The following ZNF630 variants were observed in gnomAD, a reference collection of about 807,000 sequenced individuals.
ZNF630 encodes the protein dJ54B20.2 (novel KRAB box containing C2H2 type zinc finger protein).
Under a neutral mutation model 7.2 loss-of-function variants are expected in ZNF630, and 5 were observed. The ratio of observed to expected loss-of-function variants is 0.70; its 90% CI spans 0.36 to 1.46. ZNF630 has a LOEUF of 1.46. ZNF630 is among the 40% of genes most tolerant of loss of function. The probability of loss-of-function intolerance (pLI) is 0.03; values close to 1 mark genes in which losing one functional copy is unlikely to be tolerated. For synonymous variants in ZNF630, 158 were observed against 162.8 expected (o/e 0.97, Z 0.23); for missense variants, 461 against 477.0 (o/e 0.97, Z 0.31).
chrX:48,058,996 A>G lies in ZNF630; in HGVS notation c.1446T>C (p.Thr482=), dbSNP rs375322542. ...SHLTGHQRLH[T]GEKPYMCTEC... ...CAGTACACATATAAGGTTTCTCTCCAGTATGAAGTCTTTGATGGCCAGTGA... is the reference window on the plus strand; with the variant it reads ...CAGTACACATATAAGGTTTCTCTCCGGTATGAAGTCTTTGATGGCCAGTGA... The change falls in exon 5 of 5, where the codon ACT becomes ACC. Residue 482 remains threonine (T), a synonymous_variant. Transcript: ENST00000276054. 5.7e-5 allele frequency: 69 copies of G among 1,206,373 alleles called. No individual in the cohort carries two copies. Among genetic ancestry groups the G allele is most frequent in the Non-Finnish European group, 7.5e-5 (67 of 892,769 alleles).
intron 1 of ZNF630, among the ~76,000 whole-genome samples, chrX:48,068,377 A>C (rs1233783335): frequency 9.0e-6 from 1 of 110,819 alleles, no homozygotes. Flanking sequence ...TTTCTGTAAA[A>C]GGGTCATATG....
chrX:48,062,455 C>T (rs1302576353), intron 2 of ZNF630, among the ~76,000 whole-genome samples: 2 of 112,543 alleles, frequency 1.8e-5, no homozygotes, highest in African/African-American at 3.2e-5. Context: ...AAGAAGGGGC[C>T]AGATGTGGTG....
Position 48,060,503 on chromosome X carries a change from T to A in ZNF630, c.185A>T (p.His62Leu). ...CTCTATGATCCATGGGTCCTTTCCA[T>A]GTTCCAACTTAAAGATTACATCTGG... is the stretch of plus-strand genomic sequence containing the variant. ...IKPDVIFKLE[H>L]GKDPWIIESE... Residue 62 changes from histidine to leucine, a missense_variant, in exon 4 of 5, where the codon CAT becomes CTT. His to Leu is a moderately conservative substitution (Grantham distance 99, BLOSUM62 -3). Coordinates refer to ENST00000276054, the MANE Select transcript of ZNF630 (RefSeq NM_001282201.2). The A allele has an allele frequency of 1.7e-6, 2 of 1,207,181 alleles. No individual in the cohort carries two copies.
chrX:48,059,874 C>T lies in ZNF630; in HGVS notation c.568G>A (p.Asp190Asn). 8.3e-7 allele frequency: 1 copy of T among 1,207,706 alleles called. No homozygotes were observed. The highest frequency in any genetic ancestry group is 1.1e-6 in the Non-Finnish European group (1 of 893,068). Residue 190 changes from aspartate to asparagine, a missense_variant, in exon 5 of 5, where the codon GAC (aspartate) becomes AAC (asparagine). Coordinates refer to ENST00000276054, the MANE Select transcript of ZNF630 (RefSeq NM_001282201.2). ...SCENSLKSNSDLLNYNRSYAR... is the reference protein window; with the variant it reads ...SCENSLKSNSNLLNYNRSYAR... ...TAGCTCCTGTTATAATTTAGTAAGT[C>T]TGAATTAGACTTCAAGCTATTTTCA...
At chrX:48,068,196 A>G (rs1473157753) in intron 1 of ZNF630, among the ~76,000 whole-genome samples, 61 of 58,178 alleles carry the variant, frequency 1.0e-3, no homozygotes, top group Non-Finnish European at 1.8e-3. Flanking sequence ...GGAAGGAAGG[A>G]AGGAAAGAAA....
At chrX:48,065,455 A>G (rs3120742) in intron 2 of ZNF630, among the ~76,000 whole-genome samples, 3 of 62,108 alleles carry the variant, frequency 4.8e-5, no homozygotes, top group Non-Finnish European at 1.1e-4. Context: ...GAAAGAAAGA[A>G]AGAGAGAGAG....
chrX:48,058,809 A>G lies in ZNF630; in HGVS notation c.1633T>C (p.Cys545Arg). ...GAAAAGGCCCTCCCACACTCAGTAC[A>G]CTCATAAGGTTTCTCCCCTGTGTGA... is the stretch of plus-strand genomic sequence containing the variant. Reference protein sequence around the residue: ...RVHTGEKPYECTECGRAFSLK... With the variant: ...RVHTGEKPYERTECGRAFSLK... The change falls in exon 5 of 5, where the codon TGT (cysteine) becomes CGT (arginine). Residue 545 changes from cysteine (C) to arginine (R), a missense_variant. Coordinates refer to ENST00000276054, the MANE Select transcript of ZNF630 (RefSeq NM_001282201.2). 2 of 1,205,727 alleles carry G rather than the reference A, an allele frequency of 1.7e-6. No individual in the cohort carries two copies. Among genetic ancestry groups the G allele is most frequent in the Non-Finnish European group, 2.2e-6 (2 of 891,639 alleles).
chrX:48,063,485 A>G (rs2059116499), intron 2 of ZNF630, among the ~76,000 whole-genome samples: 1 of 111,660 alleles, frequency 9.0e-6, no homozygotes, highest in Non-Finnish European at 1.9e-5. Flanking sequence ...AAGAATGAAA[A>G]AAACAGATGA....
rs2059160019 is a variant in ZNF630, at chrX:48,071,465, C to T, written c.-374G>A. The T allele has an allele frequency of 9.0e-6, 1 of 111,704 alleles. No homozygotes were observed. The highest frequency in any genetic ancestry group is 9.4e-5 in the Admixed American group (1 of 10,593). 9.2% of individuals were successfully genotyped at this position (111,704 alleles called of 1,213,427 possible). A position where few individuals can be genotyped will look rare whatever the true frequency, so the allele number is the denominator to read the frequency against. Reference sequence around the variant, plus strand: ...TGGCGTCATTCCGCCAGCGCCAGGACCTCTGTCGCTGGCCGTGGTCTCGCA... The same window carrying T: ...TGGCGTCATTCCGCCAGCGCCAGGATCTCTGTCGCTGGCCGTGGTCTCGCA... On this transcript the variant is annotated 5_prime_UTR_variant, in exon 1 of 5. Transcript: ENST00000276054.
At chrX:48,068,850 C>G (rs2059146044) in intron 1 of ZNF630, among the ~76,000 whole-genome samples, 1 of 111,208 alleles carries the variant, frequency 9.0e-6, no homozygotes, top group Non-Finnish European at 1.9e-5. Context: ...TAGAAATAAA[C>G]CAAGTCGTAC....
intron 2 of ZNF630, among the ~76,000 whole-genome samples, chrX:48,064,597 G>A (rs957066904): frequency 1.4e-4 from 16 of 111,555 alleles, no homozygotes; most frequent in African/African-American, 4.6e-4. Context: ...TGAGTAGCTG[G>A]GACCACAGGC....
intron 2 of ZNF630, among the ~76,000 whole-genome samples, chrX:48,066,147 T>C (rs1002430636): frequency 9.0e-6 from 1 of 111,142 alleles, no homozygotes; most frequent in African/African-American, 3.3e-5. Flanking sequence ...TACACATCCA[T>C]CTACACACAT....
rs1190569018 is a variant in ZNF630, at chrX:48,059,148, T to G, written c.1294A>C (p.Lys432Gln). 1 of 1,206,556 alleles carries G rather than the reference T, an allele frequency of 8.3e-7. No individual in the cohort carries two copies. Among genetic ancestry groups the G allele is most frequent in the African/African-American group, 1.8e-5 (1 of 56,719 alleles). Residue 432 changes from lysine to glutamine, a missense_variant, in exon 5 of 5, where the codon AAG becomes CAG. Physicochemically the swap from Lys to Gln is moderately conservative, Grantham distance 53. Coordinates refer to ENST00000276054, the MANE Select transcript of ZNF630 (RefSeq NM_001282201.2). ...QRTHTGEKPY[K>Q]CGECGKTFCQ... ...AAAGTTTTCCCACATTCACCACACT[T>G]ATAGGGCTTCTCTCCAGTATGCGTT...
rs782716685 is a variant in ZNF630 at position 48,059,406 on chromosome X, G to A, written c.1036C>T (p.Pro346Ser). The A allele has an allele frequency of 8.3e-6, 10 of 1,207,954 alleles. No individual in the cohort carries two copies. The highest frequency in any genetic ancestry group is 1.1e-5 in the Non-Finnish European group (10 of 893,220). Residue 346 changes from proline (P) to serine (S), a missense_variant, in exon 5 of 5, where the codon CCC becomes TCC. Physicochemically the swap from Pro to Ser is moderately conservative, Grantham distance 74 (BLOSUM62 -1). Coordinates refer to ENST00000276054, the MANE Select transcript of ZNF630 (RefSeq NM_001282201.2). ...VHQRVHTGEK[P>S]YECFECPKAF... ...TTTGGACACTCAAAACACTCATAGG[G>A]TTTCTCTCCAGTATGGACTCTCTGA...
chrX:48,063,925 T>C (rs1041059920), intron 2 of ZNF630, among the ~76,000 whole-genome samples: 1 of 111,105 alleles, frequency 9.0e-6, no homozygotes. Flanking sequence ...AAAATACTCT[T>C]TAAATTTATA....
intron 2 of ZNF630, 171 bp downstream of exon 2, chrX:48,066,701 T>A: frequency 1.9e-6 from 1 of 539,306 alleles, no homozygotes; most frequent in Non-Finnish European, 3.0e-6. Context: ...TTGCTTATAG[T>A]CAAAATTTTA....
chrX:48,068,771 T>C (rs190791322), intron 1 of ZNF630, among the ~76,000 whole-genome samples: 1 of 111,447 alleles, frequency 9.0e-6, no homozygotes, highest in African/African-American at 3.3e-5. Context: ...GGTTCCATTA[T>C]ACAATTCCCT....
At chrX:48,065,435 CAAAA>C (rs1196770767) in intron 2 of ZNF630, among the ~76,000 whole-genome samples, 458 of 34,578 alleles carry the variant, frequency 0.013, 9 homozygotes, top group African/African-American at 0.044. Context: ...AACCCGGTCT[CAAAA>C]AAAAAGAAAG....
At chrX:48,064,836 T>C (rs2059122767) in intron 2 of ZNF630, among the ~76,000 whole-genome samples, 1 of 112,242 alleles carries the variant, frequency 8.9e-6, no homozygotes, top group Non-Finnish European at 1.9e-5. Context: ...ATGAAAATTA[T>C]ATGAAATCCA....
Sources: allele counts gnomAD v4.1 joint callset (sites outside exome capture counted in the v4.1 genomes callset), GRCh38; gene constraint gnomAD v4.1.1; transcripts MANE v1.5; gene names NCBI Gene and HGNC (gene_info 2026-07-23, HGNC 2026-07-21).